The following CPS1 variants were observed in gnomAD, a reference collection of about 807,000 sequenced individuals.
CPS1 encodes the protein carbamoyl-phosphate synthase [ammonia], mitochondrial.
Under a neutral mutation model 174.6 loss-of-function variants are expected in CPS1, and 109 were observed. The ratio of observed to expected loss-of-function variants is 0.62; its 90% CI spans 0.53 to 0.73. The LOEUF is 0.73. Ranked by LOEUF, CPS1 falls within the 30% of genes least tolerant of loss-of-function variation. CPS1 has a pLI of 0.00. For synonymous variants in CPS1, 637 were observed against 632.0 expected (o/e 1.01, Z -0.12); for missense variants, 1,689 against 1,821.9 (o/e 0.93, Z 1.33).
At chr2:210,597,956 G>T (rs1698549191) in intron 13 of CPS1, among the ~76,000 whole-genome samples, 1 of 151,832 alleles carries the variant, frequency 6.6e-6, no homozygotes, top group Non-Finnish European at 1.5e-5. Context: ...ACTATAGCAA[G>T]CATGAATCTA....
intron 34 of CPS1, chr2:210,673,435 G>T (rs553314095): frequency 6.6e-6 from 1 of 152,366 alleles, no homozygotes; most frequent in South Asian, 2.1e-4. Flanking sequence ...GAAGGTAGGG[G>T]CTGGACACTA....
At chr2:210,676,213 G>A (rs910899470) in intron 36 of CPS1, among the ~76,000 whole-genome samples, 1 of 152,280 alleles carries the variant, frequency 6.6e-6, no homozygotes, top group Non-Finnish European at 1.5e-5. Flanking sequence ...AAATCAATTT[G>A]TTGAGCACTT....
intron 27 of CPS1, 58 bp downstream of exon 27, chr2:210,648,598 G>A: frequency 7.7e-7 from 1 of 1,299,398 alleles, no homozygotes; most frequent in Non-Finnish European, 1.1e-6. Context: ...ATACAGAAAT[G>A]CATGCTGTAT....
chr2:210,499,457 G>A (rs2160851), intron 1 of CPS1, among the ~76,000 whole-genome samples: 128,881 of 152,070 alleles, frequency 0.85, 55,320 homozygotes, highest in Middle Eastern at 0.92. Context: ...GGCACTTTCT[G>A]TAATTCTGGC....
At chr2:210,639,807 T>C (rs1302302924) in intron 23 of CPS1, among the ~76,000 whole-genome samples, 189 bp from the exon 24 acceptor site, 2 of 152,180 alleles carry the variant, frequency 1.3e-5, no homozygotes, top group African/African-American at 4.8e-5. Context: ...AATTCTGCCA[T>C]ATCTATTTTT....
chr2:210,528,835 T>TTTTTTTTTTTTTTTGTTAATTTTTTAG (rs397788351), intron 1 of CPS1, among the ~76,000 whole-genome samples: 1 of 149,642 alleles, frequency 6.7e-6, no homozygotes. Context: ...TTTTTTTTTT[T>TTTTTTTTTTTTTTTGTTAATTTTTTAG]GAGTAGCTTC....
At chr2:210,526,265 G>C (rs1296576868) in intron 1 of CPS1, among the ~76,000 whole-genome samples, 1 of 151,814 alleles carries the variant, frequency 6.6e-6, no homozygotes, top group Non-Finnish European at 1.5e-5. Context: ...ATAGCATTAG[G>C]AGAAATACCT....
Position 210,616,414 on chromosome 2 carries a change from T to C in CPS1, c.2569-9T>C. 1 of 1,579,888 alleles carries C rather than the reference T, an allele frequency of 6.3e-7. No homozygotes were observed. Among genetic ancestry groups the C allele is most frequent in the South Asian group, 1.1e-5 (1 of 90,356 alleles). ...TTGCCAAAGAAAGTATCTCTTCTCC[T>C]CTTGGCAGGCCATTGATGACAACAT... On this transcript the variant is annotated splice_polypyrimidine_tract_variant and intron_variant, in intron 20 of 37. Transcript: ENST00000233072.
chr2:210,599,642 T>C (rs767675375), intron 14 of CPS1, 81 bp downstream of exon 14: 95 of 1,461,184 alleles, frequency 6.5e-5, no homozygotes, highest in Non-Finnish European at 8.3e-5. Context: ...CATCTAACAA[T>C]TGTGCTTTGT....
chr2:210,588,324 T>C (rs953532364), intron 7 of CPS1, among the ~76,000 whole-genome samples, 177 bp downstream of exon 7: 1 of 151,950 alleles, frequency 6.6e-6, no homozygotes, highest in African/African-American at 2.4e-5. Context: ...ATTAAAAATA[T>C]AGACTGCTAT....
At position 210,663,201 on chromosome 2, in the gene CPS1, A is replaced by G. The variant is rs1305758558; in HGVS notation, c.4002+4A>G. Reference sequence around the variant, plus strand: ...TGAGATGGCTTCCACTGGAGAGGTAACTAGTTAATAATCCATGGAAGCTTT... The same window carrying G: ...TGAGATGGCTTCCACTGGAGAGGTAGCTAGTTAATAATCCATGGAAGCTTT... On this transcript the variant is annotated splice_donor_region_variant and intron_variant, in intron 33 of 37. Coordinates refer to ENST00000233072, the MANE Select transcript of CPS1 (RefSeq NM_001875.5). The G allele has an allele frequency of 6.2e-7, 1 of 1,611,074 alleles. No individual in the cohort carries two copies. The highest frequency in any genetic ancestry group is 2.2e-5 in the East Asian group (1 of 44,846).
intron 21 of CPS1, among the ~76,000 whole-genome samples, chr2:210,633,480 T>C (rs1004960193): frequency 6.6e-6 from 1 of 152,340 alleles, no homozygotes; most frequent in Admixed American, 6.5e-5. Context: ...TCTACATACA[T>C]TCTGTTAGAC....
At chr2:210,625,500 G>T (rs897118365) in intron 21 of CPS1, among the ~76,000 whole-genome samples, 3 of 152,036 alleles carry the variant, frequency 2.0e-5, no homozygotes, top group African/African-American at 7.2e-5. Flanking sequence ...CATATTTTAT[G>T]AAAGAAATGA....
intron 36 of CPS1, among the ~76,000 whole-genome samples, chr2:210,676,525 A>G (rs1045504541): frequency 1.3e-5 from 2 of 152,198 alleles, no homozygotes; most frequent in Non-Finnish European, 2.9e-5. Flanking sequence ...ACCAACACAT[A>G]AATTATTATC....
At chr2:210,526,362 C>T (rs1036146064) in intron 1 of CPS1, among the ~76,000 whole-genome samples, 3 of 146,134 alleles carry the variant, frequency 2.1e-5, no homozygotes, top group Non-Finnish European at 4.5e-5. Context: ...GTACATGTAT[C>T]CCAGACCTTA....
chr2:210,637,472 T>C (rs1700073437), intron 21 of CPS1, among the ~76,000 whole-genome samples: 1 of 152,194 alleles, frequency 6.6e-6, no homozygotes, highest in East Asian at 1.9e-4. Context: ...AGAGGTCGCA[T>C]AGAGTGTGAA....
chr2:210,502,823 G>A (rs1695183409), intron 1 of CPS1, among the ~76,000 whole-genome samples: 1 of 152,082 alleles, frequency 6.6e-6, no homozygotes, highest in Non-Finnish European at 1.5e-5. Flanking sequence ...CAACAAAAAG[G>A]GTAACTTGTC....
chr2:210,577,241 G>A (rs1192370770), intron 3 of CPS1, 180 bp from the exon 4 acceptor site: 2 of 621,012 alleles, frequency 3.2e-6, no homozygotes, highest in Non-Finnish European at 5.7e-6. Flanking sequence ...GATAATTAAT[G>A]CAACAATTAC....
intron 21 of CPS1, among the ~76,000 whole-genome samples, chr2:210,626,942 AC>A (rs1699716213): frequency 6.6e-6 from 1 of 152,250 alleles, no homozygotes; most frequent in Non-Finnish European, 1.5e-5. Flanking sequence ...ACTGAATCAC[AC>A]GAGGTGTGTG....
Sources: gnomAD v4.1 joint callset for allele counts (sites outside exome capture counted in the v4.1 genomes callset) on GRCh38, gnomAD v4.1.1 for gene constraint, MANE v1.5 for transcripts, NCBI Gene and HGNC (gene_info 2026-07-23, HGNC 2026-07-21) for gene names.